The following ZNF23 variants were observed in gnomAD, a reference collection of about 807,000 sequenced individuals.
ZNF23 encodes kruppel-like zinc finger factor X31.
ZNF23 carries 48 observed loss-of-function variants against 56.2 expected under a neutral mutation model. The observed-to-expected ratio is 0.85, with a 90% CI of 0.68 to 1.09. The LOEUF (loss-of-function observed/expected upper bound fraction) is 1.09. Ranked by LOEUF, ZNF23 falls within the 50% of genes least tolerant of loss-of-function variation. ZNF23 has a pLI of 0.00. For synonymous variants in ZNF23, 266 were observed against 283.3 expected, an observed-to-expected ratio of 0.94 and a Z score of 0.61; for missense variants, 805 against 811.4, an observed-to-expected ratio of 0.99 and a Z score of 0.10.
intron 1 of ZNF23, among the ~76,000 whole-genome samples, chr16:71,458,532 C>T (rs2043320645): frequency 6.6e-6 from 1 of 152,166 alleles, no homozygotes; most frequent in Admixed American, 6.5e-5. Context: ...AAGCTCTAGC[C>T]TCCAATGTGA....
chr16:71,448,730 T>C lies in ZNF23; in HGVS notation c.1424A>G (p.Asn475Ser). The C allele has an allele frequency of 2.5e-6, 4 of 1,614,090 alleles. No homozygotes were observed. Among genetic ancestry groups the C allele is most frequent in the Non-Finnish European group, 3.4e-6 (4 of 1,180,016 alleles). Residue 475 changes from asparagine to serine, a missense_variant, in exon 5 of 5, where the codon AAC becomes AGC. Physicochemically the swap from Asn to Ser is conservative, Grantham distance 46 (BLOSUM62 1). Transcript: ENST00000647773. ...CNECGKAFRCNSQFRQHLRIH... is the reference protein window; with the variant it reads ...CNECGKAFRCSSQFRQHLRIH... ...TCTCAGATGCTGCCGAAATTGGGAG[T>C]TACATCTGAAGGCTTTCCCGCATTC...
intron 2 of ZNF23, 56 bp from the exon 3 acceptor site, chr16:71,454,224 T>A (rs2043147845): frequency 6.3e-7 from 1 of 1,579,692 alleles, no homozygotes; most frequent in Non-Finnish European, 8.6e-7. Context: ...AGGCCCTAAG[T>A]GAGGGGCAGA....
chr16:71,448,255 A>C lies in ZNF23; in HGVS notation c.1899T>G (p.Cys633Trp). The change falls in exon 5 of 5, where the codon TGT (cysteine) becomes TGG (tryptophan). Residue 633 changes from cysteine to tryptophan, a missense_variant. Physicochemically the swap from Cys to Trp is radical, Grantham distance 215. Transcript: ENST00000647773. ...AGCTGAAGCCTTTGCCACATTCCACACATCTGAAGGGTTTCTCCCCAGTGT... is the reference window on the plus strand; with the variant it reads ...AGCTGAAGCCTTTGCCACATTCCACCCATCTGAAGGGTTTCTCCCCAGTGT... ...RSHTGEKPFR[C>W]VECGKGFSFS... 6.2e-7 allele frequency: 1 copy of C among 1,614,266 alleles called. No individual in the cohort carries two copies.
chr16:71,460,079 G>A (rs1386808081), intron 1 of ZNF23, among the ~76,000 whole-genome samples: 2 of 152,190 alleles, frequency 1.3e-5, no homozygotes, highest in Non-Finnish European at 2.9e-5. Flanking sequence ...TTGCAAGAAC[G>A]TAAACATCCT....
chr16:71,448,222 A>G lies in ZNF23; in HGVS notation c.1932T>C (p.Ser644=), dbSNP rs1303743539. The part of the protein sequence containing the change: ...VECGKGFSFS[S]DYIIHQTVHT... ...GGACTGTCTGATGTATAATGTAGTC[A>G]GAACTAAAGCTGAAGCCTTTGCCAC... is the stretch of plus-strand genomic sequence containing the variant. Residue 644 remains serine, a synonymous_variant, in exon 5 of 5, where the codon TCT becomes TCC. Transcript: ENST00000647773. 6.2e-7 allele frequency: 1 copy of G among 1,614,256 alleles called. No individual in the cohort carries two copies. The highest frequency in any genetic ancestry group is 8.5e-7 in the Non-Finnish European group (1 of 1,180,036).
rs1217832868 is a variant in ZNF23 at position 71,449,621 on chromosome 16, G to A, written c.533C>T (p.Thr178Ile). 25 of 1,613,808 alleles carry A rather than the reference G, an allele frequency of 1.5e-5. No homozygotes were observed. Among genetic ancestry groups the A allele is most frequent in the Non-Finnish European group, 1.8e-5 (21 of 1,180,016 alleles). Residue 178 changes from threonine (T) to isoleucine (I), a missense_variant, in exon 5 of 5, where the codon ACT becomes ATT. By Grantham distance (89) the Thr-to-Ile change is moderately conservative. Transcript: ENST00000647773. ...TGTACACCCAGAGGGCTGCTCTCCA[G>A]TGATGGTATGACACTGATATGAGTT... ...SSNSYQCHTI[T>I]GEQPSGCTGL...
chr16:71,448,225 A>G lies in ZNF23; in HGVS notation c.1929T>C (p.Ser643=). 1 of 1,614,280 alleles carries G rather than the reference A, an allele frequency of 6.2e-7. No individual in the cohort carries two copies. ...CVECGKGFSF[S]SDYIIHQTVH... ...CTGTCTGATGTATAATGTAGTCAGAACTAAAGCTGAAGCCTTTGCCACATT... is the reference window on the plus strand; with the variant it reads ...CTGTCTGATGTATAATGTAGTCAGAGCTAAAGCTGAAGCCTTTGCCACATT... Residue 643 remains serine, a synonymous_variant, in exon 5 of 5, where the codon AGT becomes AGC. Coordinates refer to ENST00000647773, the MANE Select transcript of ZNF23 (RefSeq NM_001381984.1).
At position 71,454,034 on chromosome 16, in the gene ZNF23, G is replaced by C. The variant is rs1182021731; in HGVS notation, c.160+8C>G. 1 of 1,614,030 alleles carries C rather than the reference G, an allele frequency of 6.2e-7. No individual in the cohort carries two copies. The highest frequency in any genetic ancestry group is 1.7e-5 in the Admixed American group (1 of 60,018). ...AGATTCCAGGTTCCCAGGGTAGAGA[G>C]GTCTTACCCAGGGAGGCCACATTCC... On this transcript the variant is annotated splice_region_variant and intron_variant, in intron 3 of 4. Transcript: ENST00000647773.
intron 1 of ZNF23, among the ~76,000 whole-genome samples, 193 bp from the exon 2 acceptor site, chr16:71,457,021 T>C (rs1018743307): frequency 2.0e-5 from 3 of 152,136 alleles, no homozygotes; most frequent in African/African-American, 7.2e-5. Context: ...TGAAATTCAC[T>C]GCCAGGAACC....
rs776862352 is a variant in ZNF23 at position 71,448,613 on chromosome 16, G to C, written c.1541C>G (p.Thr514Ser). ...GKLMRHQRIH[T>S]GEKPFECNEC... ...ATTACATTCAAAAGGTTTCTCCCCA[G>C]TGTGAATTCTCTGATGCCGCATTAG... Residue 514 changes from threonine to serine, a missense_variant, in exon 5 of 5, where the codon ACT (threonine) becomes AGT (serine). Transcript: ENST00000647773. The C allele has an allele frequency of 3.1e-6, 5 of 1,614,030 alleles. No homozygotes were observed. In the African/African-American group the frequency reaches 5.3e-5, roughly 17 times the overall value.
At chr16:71,456,918 A>G in intron 1 of ZNF23, 90 bp from the exon 2 acceptor site, 1 of 372,190 alleles carries the variant, frequency 2.7e-6, no homozygotes, top group Non-Finnish European at 3.7e-6. Flanking sequence ...AGACACAGGC[A>G]GCTTGCATCC....
At chr16:71,458,418 T>G (rs995222610) in intron 1 of ZNF23, among the ~76,000 whole-genome samples, 1 of 152,244 alleles carries the variant, frequency 6.6e-6, no homozygotes, top group African/African-American at 2.4e-5. Context: ...AGAGCTAGTT[T>G]GCTTTTCCCA....
rs777703501 is a variant in ZNF23, at chr16:71,449,857, T to A, written c.297A>T (p.Thr99=). The A allele has an allele frequency of 6.2e-7, 1 of 1,606,218 alleles. No homozygotes were observed. Among genetic ancestry groups the A allele is most frequent in the Non-Finnish European group, 8.5e-7 (1 of 1,177,908 alleles). Residue 99 remains threonine (T), a synonymous_variant, in exon 5 of 5, where the codon ACA becomes ACT. Transcript: ENST00000647773. ...TVDIQTDNDL[T]KEMYEGKENV... is the part of the protein sequence containing the mutation. ...TCTCTTTTCCTTCATACATTTCCTT[T>A]GTCAAATCATTGTCAGTCTGAATAT...
chr16:71,457,067 C>A (rs1399211199), intron 1 of ZNF23, among the ~76,000 whole-genome samples: 2 of 151,916 alleles, frequency 1.3e-5, no homozygotes, highest in Non-Finnish European at 2.9e-5. Context: ...ATCACACACA[C>A]TGAAGAGTAT....
chr16:71,449,021 G>T lies in ZNF23; in HGVS notation c.1133C>A (p.Pro378His). 1 of 1,614,166 alleles carries T rather than the reference G, an allele frequency of 6.2e-7. No individual in the cohort carries two copies. Reference protein sequence around the residue: ...QHQRIHTGEKPYECNECGKGF... With the variant: ...QHQRIHTGEKHYECNECGKGF... ...TTTTCCACATTCATTACATTCATAA[G>T]GTTTCTCTCCAGTATGGATTCTCTG... Residue 378 changes from proline to histidine, a missense_variant, in exon 5 of 5, where the codon CCT becomes CAT. By Grantham distance (77) the Pro-to-His change is moderately conservative. Coordinates refer to ENST00000647773, the MANE Select transcript of ZNF23 (RefSeq NM_001381984.1).
intron 2 of ZNF23, among the ~76,000 whole-genome samples, chr16:71,455,275 A>T (rs2043186874): frequency 6.6e-6 from 1 of 152,074 alleles, no homozygotes; most frequent in African/African-American, 2.4e-5. Flanking sequence ...CCTCACAAGA[A>T]ACCTCAGCCA....
intron 1 of ZNF23, among the ~76,000 whole-genome samples, chr16:71,461,008 T>C (rs2043429116): frequency 6.6e-6 from 1 of 151,938 alleles, no homozygotes; most frequent in Non-Finnish European, 1.5e-5. Context: ...ATTATGCGAG[T>C]CCCAGATGAC....
At chr16:71,459,913 T>C (rs1305225724) in intron 1 of ZNF23, among the ~76,000 whole-genome samples, 1 of 152,216 alleles carries the variant, frequency 6.6e-6, no homozygotes, top group East Asian at 1.9e-4. Context: ...TGGGAGAATA[T>C]ACAACTCCAT....
intron 1 of ZNF23, among the ~76,000 whole-genome samples, chr16:71,460,380 A>G (rs750302719): frequency 6.6e-6 from 1 of 152,106 alleles, no homozygotes; most frequent in Non-Finnish European, 1.5e-5. Context: ...GATTTTCTAC[A>G]TAATCCTTGA....
Sources: allele counts gnomAD v4.1 joint callset (sites outside exome capture counted in the v4.1 genomes callset), GRCh38; gene constraint gnomAD v4.1.1; transcripts MANE v1.5; gene names NCBI Gene and HGNC (gene_info 2026-07-23, HGNC 2026-07-21).